GRID2: variants seen among roughly 807,000 people sequenced by gnomAD.
GRID2 encodes glutamate ionotropic receptor delta type subunit 2.
Under a neutral mutation model 114.8 loss-of-function variants are expected in GRID2, and 33 were observed. The observed-to-expected ratio is 0.29, with a 90% CI of 0.22 to 0.38. The LOEUF (loss-of-function observed/expected upper bound fraction) is 0.38, where lower values mean the gene tolerates loss of function less well. Among genes scored for constraint, GRID2 ranks in the 10% least tolerant of loss-of-function variants. The probability of loss-of-function intolerance (pLI) is 1.00; values close to 1 mark genes in which losing one functional copy is unlikely to be tolerated. For missense variants in GRID2, 1,184 were observed against 1,257.7 expected (o/e 0.94, Z 0.89); for synonymous variants, 505 against 449.9 (o/e 1.12, Z -1.55).
intron 1 of GRID2, among the ~76,000 whole-genome samples, chr4:92,529,711 C>A (rs1173954193): frequency 6.6e-6 from 1 of 151,986 alleles, no homozygotes; most frequent in Admixed American, 6.6e-5. Flanking sequence ...AGGATTTAAG[C>A]GTTTTAAACT....
At chr4:93,327,052 C>T (rs1757910762) in intron 8 of GRID2, among the ~76,000 whole-genome samples, 1 of 152,110 alleles carries the variant, frequency 6.6e-6, no homozygotes, top group Non-Finnish European at 1.5e-5. Flanking sequence ...TTCTTCCCAG[C>T]TGCTAAGTGT....
intron 2 of GRID2, among the ~76,000 whole-genome samples, chr4:92,891,278 A>AT (rs2149469539): frequency 6.6e-6 from 1 of 152,288 alleles, no homozygotes; most frequent in Non-Finnish European, 1.5e-5. Flanking sequence ...AAAAAAGCAG[A>AT]AGCAATTAAT....
chr4:93,168,083 C>A (rs1738426789), intron 4 of GRID2, among the ~76,000 whole-genome samples: 1 of 151,934 alleles, frequency 6.6e-6, no homozygotes. Context: ...GTAATCCCAC[C>A]CACTTGGGAG....
At chr4:92,698,249 T>A (rs1734512727) in intron 2 of GRID2, among the ~76,000 whole-genome samples, 1 of 152,162 alleles carries the variant, frequency 6.6e-6, no homozygotes, top group African/African-American at 2.4e-5. Context: ...ATGGTTTAGG[T>A]TCTGTTCATA....
chr4:93,601,331 C>T (rs1210954570), intron 13 of GRID2, among the ~76,000 whole-genome samples: 1 of 152,176 alleles, frequency 6.6e-6, no homozygotes, highest in Non-Finnish European at 1.5e-5. Context: ...CACCCCTCTC[C>T]TATACATCAT....
At chr4:92,920,834 G>T (rs1407352567) in intron 2 of GRID2, among the ~76,000 whole-genome samples, 1 of 151,868 alleles carries the variant, frequency 6.6e-6, no homozygotes, top group Non-Finnish European at 1.5e-5. Flanking sequence ...TCTTGGAGTT[G>T]CTCTTCTCAA....
At chr4:93,447,190 A>G (rs1393190158) in intron 10 of GRID2, among the ~76,000 whole-genome samples, 2 of 151,974 alleles carry the variant, frequency 1.3e-5, no homozygotes, top group Non-Finnish European at 2.9e-5. Flanking sequence ...TAACAAAAGC[A>G]CTACATGTAA....
At chr4:93,027,525 A>C (rs1374190424) in intron 2 of GRID2, among the ~76,000 whole-genome samples, 1 of 152,134 alleles carries the variant, frequency 6.6e-6, no homozygotes, top group Admixed American at 6.6e-5. Flanking sequence ...AAGTTTTATT[A>C]ATCTTTGCCT....
intron 1 of GRID2, among the ~76,000 whole-genome samples, chr4:92,541,884 T>A (rs7686758): frequency 0.22 from 33,019 of 151,964 alleles, 4,375 homozygotes; most frequent in African/African-American, 0.38. Flanking sequence ...TGATTTTTTT[T>A]AAATAGGTGA....
intron 1 of GRID2, among the ~76,000 whole-genome samples, chr4:92,371,231 A>G (rs752894108): frequency 6.6e-6 from 1 of 152,194 alleles, no homozygotes; most frequent in Non-Finnish European, 1.5e-5. Context: ...CAGGTTATCC[A>G]GAAGACATAG....
intron 1 of GRID2, among the ~76,000 whole-genome samples, chr4:92,482,603 T>A (rs1416783511): frequency 1.3e-5 from 2 of 152,184 alleles, no homozygotes; most frequent in African/African-American, 2.4e-5. Flanking sequence ...CCAATTAAAA[T>A]CTACTTTTTT....
chr4:93,211,638 C>T (rs564776047), intron 5 of GRID2, among the ~76,000 whole-genome samples: 1 of 152,118 alleles, frequency 6.6e-6, no homozygotes, highest in Admixed American at 6.5e-5. Flanking sequence ...TCATTGAAAC[C>T]GTTATCTCTT....
At chr4:92,840,889 G>C (rs1310965898) in intron 2 of GRID2, among the ~76,000 whole-genome samples, 1 of 151,966 alleles carries the variant, frequency 6.6e-6, no homozygotes, top group South Asian at 2.1e-4. Context: ...TTGGTACTCT[G>C]TTTCTCTGTT....
At chr4:92,333,735 A>T (rs1727019126) in intron 1 of GRID2, among the ~76,000 whole-genome samples, 1 of 152,016 alleles carries the variant, frequency 6.6e-6, no homozygotes, top group African/African-American at 2.4e-5. Flanking sequence ...TTTTAAAAAC[A>T]TTTCATTTAT....
Position 92,964,790 on chromosome 4 carries a change from C to G in GRID2, c.245-120205C>G, listed in dbSNP as rs182402221. Among the ~76,000 whole-genome samples, 10 of 152,076 alleles carry G rather than the reference C, an allele frequency of 6.6e-5. No individual in the cohort carries two copies. The East Asian group carries it at 1.9e-3, about 30-fold the overall frequency. On this transcript the variant is annotated intron_variant, in intron 2 of 15. Transcript: ENST00000282020. Reference sequence around the variant, plus strand: ...GAATTGAAAAGACTTAGGGCCTTTCCTTAGATTTTGCTTTGGCTTAAAGAA... The same window carrying G: ...GAATTGAAAAGACTTAGGGCCTTTCGTTAGATTTTGCTTTGGCTTAAAGAA...
rs1761919432 is a variant in GRID2, at chr4:93,361,952, C to T, written c.1246-33655C>T. Among the ~76,000 whole-genome samples the T allele has an allele frequency of 2.0e-5, 3 of 152,092 alleles. No individual in the cohort carries two copies. In the South Asian group the frequency reaches 6.2e-4, roughly 32 times the overall value. ...AACCCATCACCTAGGTATTAGGCCC[C>T]ATATGCATTAGCTATTTATCCCGAT... On this transcript the variant is annotated intron_variant, in intron 8 of 15. Transcript: ENST00000282020.
chr4:92,637,249 C>A (rs1239361637), intron 2 of GRID2, among the ~76,000 whole-genome samples: 1 of 151,720 alleles, frequency 6.6e-6, no homozygotes, highest in African/African-American at 2.4e-5. Context: ...TTTTTAGTAG[C>A]CTTTAAAATA....
At chr4:92,928,838 T>G (rs1383345341) in intron 2 of GRID2, among the ~76,000 whole-genome samples, 1 of 151,494 alleles carries the variant, frequency 6.6e-6, no homozygotes, top group Non-Finnish European at 1.5e-5. Context: ...GTTTGTATAG[T>G]CATTCACAGA....
At chr4:92,544,590 G>T (rs1436656512) in intron 1 of GRID2, among the ~76,000 whole-genome samples, 1 of 152,038 alleles carries the variant, frequency 6.6e-6, no homozygotes, top group Non-Finnish European at 1.5e-5. Flanking sequence ...TCTGTGAACT[G>T]CATTTTAACA....
Sources: allele counts gnomAD v4.1 joint callset (sites outside exome capture counted in the v4.1 genomes callset), GRCh38; gene constraint gnomAD v4.1.1; transcripts MANE v1.5; gene names NCBI Gene and HGNC (gene_info 2026-07-23, HGNC 2026-07-21).